The following EVC2 variants were observed in gnomAD, a reference collection of about 807,000 sequenced individuals.
EVC2 encodes the protein limbin.
A neutral mutation model predicts 149.3 loss-of-function variants in EVC2; 148 were observed. The observed-to-expected ratio is 0.99, with a 90% confidence interval of 0.87 to 1.14. EVC2 has a LOEUF of 1.14. Among genes scored for constraint, EVC2 ranks in the 50% most tolerant of loss-of-function variants. The pLI, the probability that EVC2 is intolerant of heterozygous loss-of-function variation, is 0.00. For synonymous variants in EVC2, 776 were observed against 649.9 expected, an observed-to-expected ratio of 1.19 and a Z score of -2.95; for missense variants, 1,854 against 1,627.3, an observed-to-expected ratio of 1.14 and a Z score of -2.40.
Position 5,562,485 on chromosome 4 carries a change from G to T in EVC2, c.*363C>A. On this transcript the variant is annotated 3_prime_UTR_variant, in exon 22 of 22. Coordinates refer to ENST00000344408, the MANE Select transcript of EVC2 (RefSeq NM_147127.5). This position sits in a 1 kb window ranked among gnomAD's most constrained non-coding sequence, Gnocchi z 4.3. ...TTTTAAAATTCCCTTTATAAAAATA[G>T]AATATGTAACAAATACAAAACATAA... 1.8e-6 allele frequency: 2 copies of T among 1,087,956 alleles called. No homozygotes were observed. Among genetic ancestry groups the T allele is most frequent in the Non-Finnish European group, 2.2e-6 (2 of 892,262 alleles). 67.4% of individuals were successfully genotyped at this position (1,087,956 alleles called of 1,614,324 possible). A position where few individuals can be genotyped will look rare whatever the true frequency, so the allele number is the denominator to read the frequency against.
rs754772002 is a variant in EVC2 at position 5,576,400 on chromosome 4, C to T, written c.3112G>A (p.Ala1038Thr). Residue 1038 changes from alanine (A) to threonine (T), a missense_variant, in exon 18 of 22, where the codon GCC becomes ACC. By Grantham distance (58) the Ala-to-Thr change is moderately conservative (BLOSUM62 0). Coordinates refer to ENST00000344408, the MANE Select transcript of EVC2 (RefSeq NM_147127.5). The surrounding 1 kb of genome is among the most constrained non-coding windows in gnomAD (Gnocchi z 4.5). The part of the protein sequence containing the change: ...LEDQLVQQEA[A>T]QQQQALASWQ... ...CTCGCCAGGGCCTGCTGCTGCTGGGCTGCCTCCTGCTGCACCAGCTGGTCC... is the reference window on the plus strand; with the variant it reads ...CTCGCCAGGGCCTGCTGCTGCTGGGTTGCCTCCTGCTGCACCAGCTGGTCC... 1.9e-6 allele frequency: 3 copies of T among 1,613,148 alleles called. No individual in the cohort carries two copies. Among genetic ancestry groups the T allele is most frequent in the Non-Finnish European group, 2.5e-6 (3 of 1,179,572 alleles).
intron 16 of EVC2, among the ~76,000 whole-genome samples, chr4:5,594,774 G>C (rs932337215): frequency 2.0e-5 from 3 of 152,178 alleles, no homozygotes; most frequent in African/African-American, 7.2e-5. Flanking sequence ...ACTACTCCAA[G>C]CTACGGGAGG....
intron 6 of EVC2, among the ~76,000 whole-genome samples, chr4:5,683,207 T>C (rs988341450): frequency 6.6e-6 from 1 of 152,234 alleles, no homozygotes; most frequent in Admixed American, 6.5e-5. Context: ...TCCCTTGGCC[T>C]TTTCCATTCT....
At chr4:5,642,040 T>C (rs865790982) in intron 9 of EVC2, among the ~76,000 whole-genome samples, 18 of 140,896 alleles carry the variant, frequency 1.3e-4, no homozygotes, top group Non-Finnish European at 2.5e-4. Context: ...ACATGCAGTG[T>C]TTGGTTTTCT....
rs753895375 is a variant in EVC2, at chr4:5,694,413, A to G, written c.372T>C (p.Ala124=). ...AGGGTATAAAAGCAAATAAGGAATG[A>G]GCCCATGGCCCACTAGAGGCTGCAG... The part of the protein sequence containing the change: ...STSAASSGPW[A]HSLFAFIPSW... Residue 124 remains alanine (A), a synonymous_variant, in exon 3 of 22, where the codon GCT becomes GCC. Transcript: ENST00000344408. 2 of 1,614,204 alleles carry G rather than the reference A, an allele frequency of 1.2e-6. No individual in the cohort carries two copies. Among genetic ancestry groups the G allele is most frequent in the African/African-American group, 1.3e-5 (1 of 75,058 alleles).
chr4:5,673,339 G>A (rs1038792111), intron 7 of EVC2, among the ~76,000 whole-genome samples: 3 of 152,146 alleles, frequency 2.0e-5, no homozygotes, highest in Admixed American at 1.3e-4. Context: ...AATCCAGCTC[G>A]GGGGACAGGA....
chr4:5,701,710 G>A (rs906545819), intron 1 of EVC2, among the ~76,000 whole-genome samples: 5 of 152,158 alleles, frequency 3.3e-5, no homozygotes, highest in African/African-American at 1.2e-4. Context: ...AGACTTGAAT[G>A]CCTAAGAGAC....
intron 5 of EVC2, 97 bp from the exon 6 acceptor site, chr4:5,685,576 G>A: frequency 1.0e-6 from 1 of 1,001,520 alleles, no homozygotes; most frequent in Non-Finnish European, 1.5e-6. Context: ...CCTGGCTTCA[G>A]TGGTTCCAAG....
intron 10 of EVC2, among the ~76,000 whole-genome samples, chr4:5,639,858 C>T (rs1019732193): frequency 1.5e-5 from 2 of 137,058 alleles, no homozygotes; most frequent in Non-Finnish European, 3.3e-5. Context: ...AATAATGTCT[C>T]ATTTTTTACG....
intron 7 of EVC2, among the ~76,000 whole-genome samples, chr4:5,676,232 T>C (rs931100249): frequency 1.3e-5 from 2 of 152,150 alleles, no homozygotes; most frequent in Non-Finnish European, 2.9e-5. Flanking sequence ...GGAAGACAAC[T>C]TCTTGAGAAA....
downstream of EVC2, among the ~76,000 whole-genome samples, chr4:5,561,506 G>A (rs561825194): frequency 2.1e-4 from 32 of 152,282 alleles, no homozygotes; most frequent in African/African-American, 7.0e-4. Flanking sequence ...AGCTGAAAAC[G>A]GTGCACAGCT....
chr4:5,674,191 A>C (rs1719846808), intron 7 of EVC2, among the ~76,000 whole-genome samples: 1 of 152,190 alleles, frequency 6.6e-6, no homozygotes, highest in Non-Finnish European at 1.5e-5. Context: ...TTGGCCTCCC[A>C]GCTGACAATT....
At chr4:5,642,454 C>G (rs917740093) in intron 9 of EVC2, among the ~76,000 whole-genome samples, 19 of 152,078 alleles carry the variant, frequency 1.2e-4, no homozygotes, top group African/African-American at 4.6e-4. Context: ...ATAAGGGTTG[C>G]AAAATATTTT....
chr4:5,665,629 G>A lies in EVC2; in HGVS notation c.891C>T (p.Leu297=), dbSNP rs781091257. 1 of 1,614,206 alleles carries A rather than the reference G, an allele frequency of 6.2e-7. No homozygotes were observed. The highest frequency in any genetic ancestry group is 8.5e-7 in the Non-Finnish European group (1 of 1,180,040). The change falls in exon 8 of 22, where the codon CTC becomes CTT. Residue 297 remains leucine, a synonymous_variant. Transcript: ENST00000344408. ...AGGCAATGAAGAACCCTGCTGCGTGGAGGCCGTGGTGCGGCAGAACCTGTG... is the reference window on the plus strand; with the variant it reads ...AGGCAATGAAGAACCCTGCTGCGTGAAGGCCGTGGTGCGGCAGAACCTGTG... ...ENVTVLPHHG[L]HAAGFFIAFL...
At chr4:5,647,900 G>A (rs1373887289) in intron 9 of EVC2, among the ~76,000 whole-genome samples, 2 of 152,198 alleles carry the variant, frequency 1.3e-5, no homozygotes, top group South Asian at 2.1e-4. Flanking sequence ...GAAGGAAGCC[G>A]ACATAGGAGT....
intron 19 of EVC2, among the ~76,000 whole-genome samples, chr4:5,573,676 G>C (rs112272467): frequency 6.6e-6 from 1 of 152,240 alleles, no homozygotes; most frequent in Non-Finnish European, 1.5e-5. Context: ...GCTGTGATAA[G>C]CTGCTGTTTG....
intron 9 of EVC2, among the ~76,000 whole-genome samples, chr4:5,645,448 TC>T (rs147734544): frequency 0.04 from 6,048 of 152,200 alleles, 421 homozygotes; most frequent in African/African-American, 0.14. Flanking sequence ...TGTCTGTTGT[TC>T]CCCTCCATGT....
intron 20 of EVC2, among the ~76,000 whole-genome samples, 173 bp from the exon 21 acceptor site, chr4:5,565,532 C>T (rs1215520315): frequency 1.3e-5 from 2 of 151,850 alleles, no homozygotes; most frequent in African/African-American, 2.4e-5. Context: ...ATTAGCAGGG[C>T]GTGGTAGTGG....
chr4:5,615,653 T>G lies in EVC2; in HGVS notation c.2707-109A>C, dbSNP rs1189079002. 1.0e-5 allele frequency: 15 copies of G among 1,488,938 alleles called. No homozygotes were observed. In the East Asian group the frequency reaches 2.5e-4, roughly 25 times the overall value. 92.2% of individuals were successfully genotyped at this position (1,488,938 alleles called of 1,614,324 possible). A position where few individuals can be genotyped will look rare whatever the true frequency, so the allele number is the denominator to read the frequency against. On this transcript the variant is annotated intron_variant, in intron 15 of 21. Transcript: ENST00000344408. ...GAGAAGTTTCTGCAGCTCCCAGAACTGCAAAACTCTGCCTTAGGCCAGAGA... is the reference window on the plus strand; with the variant it reads ...GAGAAGTTTCTGCAGCTCCCAGAACGGCAAAACTCTGCCTTAGGCCAGAGA...
Sources: gnomAD v4.1 joint callset for allele counts (sites outside exome capture counted in the v4.1 genomes callset) on GRCh38, gnomAD v4.1.1 for gene constraint, Gnocchi (gnomAD v3.1) non-coding constraint, MANE v1.5 for transcripts, NCBI Gene and HGNC (gene_info 2026-07-23, HGNC 2026-07-21) for gene names.